CEP78: variants seen among roughly 807,000 people sequenced by gnomAD.
The protein encoded by CEP78 is centrosomal protein 78.
In CEP78, 76 loss-of-function variants were observed where a neutral mutation model predicts 81.2. That is an observed-to-expected ratio of 0.94 (90% CI 0.78 to 1.13). The LOEUF (loss-of-function observed/expected upper bound fraction) is 1.13, where lower values mean the gene tolerates loss of function less well. Among genes scored for constraint, CEP78 ranks in the 50% most tolerant of loss-of-function variants. CEP78 has a pLI of 0.00. For synonymous variants in CEP78, 293 were observed against 301.4 expected (o/e 0.97, Z 0.29); for missense variants, 918 against 846.8 (o/e 1.08, Z -1.04).
At chr9:78,241,276 C>T (rs1168631967) in intron 3 of CEP78, among the ~76,000 whole-genome samples, 1 of 152,116 alleles carries the variant, frequency 6.6e-6, no homozygotes, top group African/African-American at 2.4e-5. Context: ...ACATTAGGTG[C>T]TCTAGTATAA....
chr9:78,240,483 C>T, intron 3 of CEP78, 119 bp downstream of exon 3: 1 of 841,836 alleles, frequency 1.2e-6, no homozygotes. Flanking sequence ...CTTGTTCAAA[C>T]CTTGGTCCAG....
chr9:78,253,196 A>C (rs1312759604), intron 9 of CEP78, 36 bp from the exon 10 acceptor site: 1 of 917,160 alleles, frequency 1.1e-6, no homozygotes, highest in Non-Finnish European at 1.8e-6. Context: ...GTGTATTTAC[A>C]TCAAAATATA....
At chr9:78,255,297 G>T (rs914757994) in intron 11 of CEP78, among the ~76,000 whole-genome samples, 2 of 152,012 alleles carry the variant, frequency 1.3e-5, no homozygotes, top group Admixed American at 6.5e-5. Flanking sequence ...GCTGATTCAG[G>T]GCTCTTTGGG....
In CEP78 at chr9:78,246,794, C is replaced by T. The variant is rs751389334; in HGVS notation, c.892+12C>T. On this transcript the variant is annotated intron_variant, in intron 6 of 16. Transcript: ENST00000643273. Reference sequence around the variant, plus strand: ...AAATCCACTCATTGGTATGTCGCTACAATATTTTTTATTGACTAACAAATA... The same window carrying T: ...AAATCCACTCATTGGTATGTCGCTATAATATTTTTTATTGACTAACAAATA... 1.4e-6 allele frequency: 2 copies of T among 1,437,652 alleles called. No homozygotes were observed. Among genetic ancestry groups the T allele is most frequent in the Non-Finnish European group, 9.6e-7 (1 of 1,044,844 alleles). The allele number at this position is 1,437,652 out of a possible 1,614,324, so 89.1% of individuals were successfully genotyped here. A position where few individuals can be genotyped will look rare whatever the true frequency, so the allele number is the denominator to read the frequency against.
At chr9:78,260,532 C>G (rs1285685552) in intron 11 of CEP78, among the ~76,000 whole-genome samples, 1 of 151,824 alleles carries the variant, frequency 6.6e-6, no homozygotes, top group East Asian at 1.9e-4. Flanking sequence ...ATGGTGAAAC[C>G]CTGTCTCTAC....
At chr9:78,254,424 C>A (rs1826913394) in intron 10 of CEP78, 1 of 152,294 alleles carries the variant, frequency 6.6e-6, no homozygotes, top group African/African-American at 2.4e-5. Context: ...AATTTTTTCT[C>A]CTAAAAATCG....
intron 9 of CEP78, among the ~76,000 whole-genome samples, chr9:78,252,555 A>G (rs886460396): frequency 1.3e-5 from 2 of 152,212 alleles, no homozygotes; most frequent in African/African-American, 4.8e-5. Flanking sequence ...TTTTGTCAGA[A>G]AAGTCTTTTA....
intron 3 of CEP78, 72 bp from the exon 4 acceptor site, chr9:78,241,624 C>T: frequency 6.1e-6 from 4 of 659,484 alleles, no homozygotes; most frequent in Non-Finnish European, 1.1e-5. Context: ...ATAAGAAGAG[C>T]AAATAAATCA....
chr9:78,246,473 G>A lies in CEP78; in HGVS notation c.779-196G>A, dbSNP rs535696566. On this transcript the variant is annotated intron_variant, in intron 5 of 16. Transcript: ENST00000643273. ...AAATTAGCCATGCGTGGTGGCGGGCGCCTGTAGTCCCAGCTACTCAGGTGG... is the reference window on the plus strand; with the variant it reads ...AAATTAGCCATGCGTGGTGGCGGGCACCTGTAGTCCCAGCTACTCAGGTGG... Among the ~76,000 whole-genome samples, 26 of 152,274 alleles carry A rather than the reference G, an allele frequency of 1.7e-4. No individual in the cohort carries two copies. In the East Asian group the frequency reaches 3.7e-3, roughly 22 times the overall value.
rs1827715278 is a variant in CEP78 at position 78,272,517 on chromosome 9, T to G, written c.*1666T>G. Reference sequence around the variant, plus strand: ...CCAAAGTTCTAGGTTTGAACATGAATGGAGGCATGGCAGGACACAGAAAGT... The same window carrying G: ...CCAAAGTTCTAGGTTTGAACATGAAGGGAGGCATGGCAGGACACAGAAAGT... On this transcript the variant is annotated 3_prime_UTR_variant, in exon 17 of 17. Coordinates refer to ENST00000643273, the MANE Select transcript of CEP78 (RefSeq NM_001330691.3). 1 of 152,300 alleles carries G rather than the reference T, an allele frequency of 6.6e-6. No individual in the cohort carries two copies. Among genetic ancestry groups the G allele is most frequent in the East Asian group, 1.9e-4 (1 of 5,190 alleles). 9.4% of individuals were successfully genotyped at this position (152,300 alleles called of 1,614,324 possible).
chr9:78,250,017 A>C (rs1587574100), intron 8 of CEP78: 2 of 336,088 alleles, frequency 6.0e-6, no homozygotes, highest in East Asian at 8.9e-5. Context: ...CTGTACACTT[A>C]AAAATGGCTA....
Position 78,264,185 on chromosome 9 carries a change from T to C in CEP78, c.1494T>C (p.Asn498=). Residue 498 remains asparagine (N), a synonymous_variant, in exon 13 of 17, where the codon AAT becomes AAC. Coordinates refer to ENST00000643273, the MANE Select transcript of CEP78 (RefSeq NM_001330691.3). ...AAAATGCCCAGTTAAGAAATATAAA[T>C]TTCTCTTTGTCTGAAGCCCTTCATG... ...EHENAQLRNI[N]FSLSEALHAQ... 2 of 1,501,632 alleles carry C rather than the reference T, an allele frequency of 1.3e-6. No individual in the cohort carries two copies. The highest frequency in any genetic ancestry group is 1.8e-6 in the Non-Finnish European group (2 of 1,124,098). The allele number at this position is 1,501,632 out of a possible 1,614,324, so 93.0% of individuals were successfully genotyped here. A position where few individuals can be genotyped will look rare whatever the true frequency, so the allele number is the denominator to read the frequency against.
intron 1 of CEP78, among the ~76,000 whole-genome samples, chr9:78,238,888 C>T (rs2118092605): frequency 6.6e-6 from 1 of 152,116 alleles, no homozygotes; most frequent in Admixed American, 6.6e-5. Flanking sequence ...AAAATATTAG[C>T]TGGGCTTGGT....
At chr9:78,246,397 A>G (rs1157363657) in intron 5 of CEP78, among the ~76,000 whole-genome samples, 1 of 152,190 alleles carries the variant, frequency 6.6e-6, no homozygotes, top group African/African-American at 2.4e-5. Flanking sequence ...CAGGAGATCC[A>G]GACCATCCTG....
At position 78,264,089 on chromosome 9, in the gene CEP78, A is replaced by T. The variant is rs144170205; in HGVS notation, c.1459-61A>T. 48,551 of 1,192,434 alleles carry T rather than the reference A, an allele frequency of 0.041. 1,153 individuals carry two copies. Among genetic ancestry groups the T allele is most frequent in the Middle Eastern group, 0.049 (188 of 3,814 alleles). 73.9% of individuals were successfully genotyped at this position (1,192,434 alleles called of 1,614,324 possible). On this transcript the variant is annotated intron_variant, in intron 12 of 16. Transcript: ENST00000643273. The stretch of plus-strand genomic sequence containing the variant: ...TAAAATGTTTTATTTTAGTTTCATA[A>T]AAACTATTTTGGTGATAATGAGAGA...
rs1430218434 is a variant in CEP78, at chr9:78,276,133, A to G, written c.*5282A>G. 1 of 152,230 alleles carries G rather than the reference A, an allele frequency of 6.6e-6. No individual in the cohort carries two copies. The highest frequency in any genetic ancestry group is 2.4e-5 in the African/African-American group (1 of 41,452). The allele number at this position is 152,230 out of a possible 1,614,324, so 9.4% of individuals were successfully genotyped here. Reference sequence around the variant, plus strand: ...TTAATGTAGGTGCAAAAAATCCAAAATAAAACTAGCAGTTTGAATTCAGCA... The same window carrying G: ...TTAATGTAGGTGCAAAAAATCCAAAGTAAAACTAGCAGTTTGAATTCAGCA... On this transcript the variant is annotated 3_prime_UTR_variant, in exon 17 of 17. Transcript: ENST00000643273.
Position 78,241,734 on chromosome 9 carries a change from A to G in CEP78, c.538A>G (p.Thr180Ala). 1 of 1,609,396 alleles carries G rather than the reference A, an allele frequency of 6.2e-7. No homozygotes were observed. ...QGIKSSITLK[T>A]VNFTGCNLTW... ...TATAAAGAGCTCTATCACTCTTAAG[A>G]CAGTCAACTTCACAGGATGTAATCT... is the stretch of plus-strand genomic sequence containing the variant. The change falls in exon 4 of 17, where the codon ACA (threonine) becomes GCA (alanine). Residue 180 changes from threonine (T) to alanine (A), a missense_variant. Physicochemically the swap from Thr to Ala is moderately conservative, Grantham distance 58. Transcript: ENST00000643273.
chr9:78,264,369 T>G (rs1193728792), intron 13 of CEP78, 53 bp downstream of exon 13: 17 of 1,528,528 alleles, frequency 1.1e-5, no homozygotes, highest in Admixed American at 1.8e-5. Flanking sequence ...TAATGGTGTT[T>G]TGCTGAGGAA....
At chr9:78,252,156 C>A in intron 9 of CEP78, 113 bp downstream of exon 9, 1 of 890,754 alleles carries the variant, frequency 1.1e-6, no homozygotes, top group Non-Finnish European at 1.6e-6. Context: ...GTAAAAATGA[C>A]TCATGTGGCT....
Sources: allele counts gnomAD v4.1 joint callset (sites outside exome capture counted in the v4.1 genomes callset), GRCh38; gene constraint gnomAD v4.1.1; transcripts MANE v1.5; gene names NCBI Gene and HGNC (gene_info 2026-07-23, HGNC 2026-07-21).